The following TIMP3 variants were observed in gnomAD, a reference collection of about 807,000 sequenced individuals.
TIMP3 encodes TIMP metallopeptidase inhibitor 3.
Under a neutral mutation model 30.0 loss-of-function variants are expected in TIMP3, and 11 were observed. That is an observed-to-expected ratio of 0.37 (90% confidence interval 0.23 to 0.61). TIMP3 has a LOEUF of 0.61. Ranked by LOEUF, TIMP3 falls within the 20% of genes least tolerant of loss-of-function variation. The probability of loss-of-function intolerance (pLI) is 0.70; values close to 1 mark genes in which losing one functional copy is unlikely to be tolerated. For missense variants in TIMP3, 181 were observed against 276.8 expected, an observed-to-expected ratio of 0.65 and a Z score of 2.45; for synonymous variants, 112 against 111.3, an observed-to-expected ratio of 1.01 and a Z score of -0.04.
intron 1 of TIMP3, among the ~76,000 whole-genome samples, chr22:32,806,521 C>T (rs1279163258): frequency 1.3e-5 from 2 of 152,204 alleles, no homozygotes; most frequent in Non-Finnish European, 2.9e-5. Flanking sequence ...CCTTGAGAGG[C>T]AGGGTGGAGT....
chr22:32,817,668 C>T (rs1350533106), intron 1 of TIMP3, among the ~76,000 whole-genome samples: 1 of 152,206 alleles, frequency 6.6e-6, no homozygotes, highest in Non-Finnish European at 1.5e-5. Flanking sequence ...TTCCTGTGGT[C>T]ATGACTTGTT....
intron 1 of TIMP3, among the ~76,000 whole-genome samples, chr22:32,802,636 C>T (rs1164965883): frequency 6.6e-6 from 1 of 152,172 alleles, no homozygotes; most frequent in African/African-American, 2.4e-5. Flanking sequence ...CCCAACCCAG[C>T]TGCAGGCTTC....
chr22:32,812,992 A>G lies in TIMP3; in HGVS notation c.121+10870A>G, dbSNP rs144188954. Among the ~76,000 whole-genome samples the G allele has an allele frequency of 6.3e-3, 960 of 152,290 alleles. 12 individuals carry two copies. The highest frequency in any genetic ancestry group is 0.02 in the African/African-American group (842 of 41,550). On this transcript the variant is annotated intron_variant, in intron 1 of 4. Coordinates refer to ENST00000266085, the MANE Select transcript of TIMP3 (RefSeq NM_000362.5). ...TGCAGTGGATAAAAAGCTTATACTT[A>G]AGGTGGGAAGGTGGGTGTGGGTTCC...
At chr22:32,804,629 G>C (rs896985986) in intron 1 of TIMP3, among the ~76,000 whole-genome samples, 1 of 152,172 alleles carries the variant, frequency 6.6e-6, no homozygotes, top group African/African-American at 2.4e-5. Flanking sequence ...TCCTGTCTCT[G>C]CTCATCCACA....
chr22:32,828,825 G>A (rs1301554932), intron 1 of TIMP3, among the ~76,000 whole-genome samples: 1 of 152,188 alleles, frequency 6.6e-6, no homozygotes, highest in Non-Finnish European at 1.5e-5. Flanking sequence ...GCCAGCGGTG[G>A]GGAGGGGAGT....
At chr22:32,844,490 CCAAA>C (rs927109922) in intron 1 of TIMP3, among the ~76,000 whole-genome samples, 7 of 152,082 alleles carry the variant, frequency 4.6e-5, no homozygotes, top group African/African-American at 1.7e-4. Context: ...GCACTCTTGC[CCAAA>C]CAAATATTCA....
intron 1 of TIMP3, among the ~76,000 whole-genome samples, chr22:32,821,670 A>G (rs1445671685): frequency 6.6e-6 from 1 of 151,682 alleles, no homozygotes; most frequent in Non-Finnish European, 1.5e-5. Flanking sequence ...CCAATATCTC[A>G]CAGCAGGTGG....
Position 32,801,818 on chromosome 22 carries a change from G to A in TIMP3, c.-184G>A. 1 of 624,742 alleles carries A rather than the reference G, an allele frequency of 1.6e-6. No individual in the cohort carries two copies. Among genetic ancestry groups the A allele is most frequent in the Non-Finnish European group, 2.2e-6 (1 of 460,298 alleles). The allele number at this position is 624,742 out of a possible 1,614,324, so 38.7% of individuals were successfully genotyped here. A position where few individuals can be genotyped will look rare whatever the true frequency, so the allele number is the denominator to read the frequency against. ...GCCCGCCGAGTCCTGCGCCAGCGCC[G>A]AGGCAGCCTCGCTGCGCCCCATCCC... On this transcript the variant is annotated 5_prime_UTR_variant, in exon 1 of 5. Transcript: ENST00000266085. The surrounding 1 kb of genome is among the most constrained non-coding windows in gnomAD (Gnocchi z 4.7).
intron 1 of TIMP3, among the ~76,000 whole-genome samples, chr22:32,836,778 G>A (rs988104561): frequency 6.6e-6 from 1 of 152,178 alleles, no homozygotes; most frequent in Non-Finnish European, 1.5e-5. Context: ...GAAGCTTGTG[G>A]AACTTAAAGG....
At chr22:32,858,950 C>A (rs1040250254) in intron 4 of TIMP3, among the ~76,000 whole-genome samples, 1 of 152,154 alleles carries the variant, frequency 6.6e-6, no homozygotes, top group African/African-American at 2.4e-5. Context: ...CCTCTCAGAG[C>A]CTCCTAAAAC....
In TIMP3 at chr22:32,806,216, G is replaced by C. The variant is rs1287310912; in HGVS notation, c.121+4094G>C. Among the ~76,000 whole-genome samples, 3 of 152,068 alleles carry C rather than the reference G, an allele frequency of 2.0e-5. No homozygotes were observed. In the East Asian group the frequency reaches 5.8e-4, roughly 29 times the overall value. ...AAGCCAGGGGGAGTCAGGAGACTGG[G>C]TCCCAGCTGGAGAAGGTGCCCCTCT... On this transcript the variant is annotated intron_variant, in intron 1 of 4. Coordinates refer to ENST00000266085, the MANE Select transcript of TIMP3 (RefSeq NM_000362.5).
chr22:32,816,436 G>T (rs2047090406), intron 1 of TIMP3, among the ~76,000 whole-genome samples: 1 of 152,126 alleles, frequency 6.6e-6, no homozygotes, highest in Admixed American at 6.5e-5. Context: ...AAAGAACTTT[G>T]GACTGAGGTT....
intron 1 of TIMP3, among the ~76,000 whole-genome samples, chr22:32,815,657 C>T (rs974463412): frequency 2.6e-5 from 4 of 152,164 alleles, no homozygotes; most frequent in Non-Finnish European, 5.9e-5. Flanking sequence ...CTATTCTTTA[C>T]TATAAACATA....
chr22:32,824,102 C>T (rs1322897201), intron 1 of TIMP3, among the ~76,000 whole-genome samples: 1 of 151,870 alleles, frequency 6.6e-6, no homozygotes, highest in Non-Finnish European at 1.5e-5. Flanking sequence ...CACGGTGAAA[C>T]CCCATCTCTA....
intron 1 of TIMP3, among the ~76,000 whole-genome samples, chr22:32,847,101 G>C (rs544850199): frequency 9.9e-5 from 15 of 152,206 alleles, no homozygotes; most frequent in African/African-American, 3.6e-4. Context: ...GCCAAGACTC[G>C]CTCCCTTGTT....
Position 32,859,932 on chromosome 22 carries a change from T to G in TIMP3, c.*555T>G, listed in dbSNP as rs1418172208. Reference sequence around the variant, plus strand: ...CTGCCACTGCATGTCCCAACCAGACTGTGTCTGTCTGTGTCTGCATGTAAG... The same window carrying G: ...CTGCCACTGCATGTCCCAACCAGACGGTGTCTGTCTGTGTCTGCATGTAAG... On this transcript the variant is annotated 3_prime_UTR_variant, in exon 5 of 5. Transcript: ENST00000266085. The G allele has an allele frequency of 6.2e-6, 1 of 160,414 alleles. No individual in the cohort carries two copies. Among genetic ancestry groups the G allele is most frequent in the Non-Finnish European group, 1.4e-5 (1 of 73,072 alleles). The allele number at this position is 160,414 out of a possible 1,614,324, so 9.9% of individuals were successfully genotyped here. A position where few individuals can be genotyped will look rare whatever the true frequency, so the allele number is the denominator to read the frequency against.
Position 32,849,506 on chromosome 22 carries a change from C to T in TIMP3, c.176C>T (p.Thr59Met), listed in dbSNP as rs779515006. 5.5e-5 allele frequency: 88 copies of T among 1,613,500 alleles called. No individual in the cohort carries two copies. The highest frequency in any genetic ancestry group is 6.4e-5 in the Non-Finnish European group (75 of 1,179,840). Residue 59 changes from threonine (T) to methionine (M), a missense_variant, in exon 2 of 5, where the codon ACG becomes ATG. Thr to Met is a moderately conservative substitution (Grantham distance 81). Coordinates refer to ENST00000266085, the MANE Select transcript of TIMP3 (RefSeq NM_000362.5). ...CTGGTAAAGGAGGGGCCCTTCGGCA[C>T]GCTGGTCTACACCATCAAGCAGATG... ...KKLVKEGPFG[T>M]LVYTIKQMKM... is the part of the protein sequence containing the mutation.
rs112139674 is a variant in TIMP3 at position 32,837,441 on chromosome 22, G to T, written c.122-12011G>T. 6.6e-6 allele frequency among the ~76,000 whole-genome samples: 1 copy of T among 152,122 alleles called. No individual in the cohort carries two copies. The highest frequency in any genetic ancestry group is 2.1e-4 in the South Asian group (1 of 4,828). On this transcript the variant is annotated intron_variant, in intron 1 of 4. Coordinates refer to ENST00000266085, the MANE Select transcript of TIMP3 (RefSeq NM_000362.5). This position sits in a 1 kb window ranked among gnomAD's most constrained non-coding sequence, Gnocchi z 4.1. ...GTCAGCATGCCCCCTTAAACTTGAT[G>T]TCTCCTCAGAGCACAGCACAGATGC... is the stretch of plus-strand genomic sequence containing the variant.
rs1602183518 is a variant in TIMP3 at position 32,802,085 on chromosome 22, C to G, written c.84C>G (p.Pro28=). ...DWGAEACTCS[P]SHPQDAFCNS... ...GCGCCGAGGCGTGCACATGCTCGCCCAGCCACCCCCAGGACGCCTTCTGCA... is the reference window on the plus strand; with the variant it reads ...GCGCCGAGGCGTGCACATGCTCGCCGAGCCACCCCCAGGACGCCTTCTGCA... The change falls in exon 1 of 5, where the codon CCC becomes CCG. Residue 28 remains proline, a synonymous_variant. Transcript: ENST00000266085. The G allele has an allele frequency of 2.5e-6, 4 of 1,578,526 alleles. No homozygotes were observed. The highest frequency in any genetic ancestry group is 1.3e-5 in the African/African-American group (1 of 74,462).
Sources: gnomAD v4.1 joint callset for allele counts (sites outside exome capture counted in the v4.1 genomes callset) on GRCh38, gnomAD v4.1.1 for gene constraint, Gnocchi (gnomAD v3.1) non-coding constraint, MANE v1.5 for transcripts, NCBI Gene and HGNC (gene_info 2026-07-23, HGNC 2026-07-21) for gene names.